Variants in PSG7 observed in about 807,000 individuals in gnomAD.
PSG7 encodes pregnancy specific beta-1-glycoprotein 7.
Under a neutral mutation model 45.6 loss-of-function variants are expected in PSG7, and 57 were observed. That is an observed-to-expected ratio of 1.25 (90% CI 1.01 to 1.56). The LOEUF (loss-of-function observed/expected upper bound fraction) is 1.56. Ranked by LOEUF, PSG7 falls within the 40% of genes most tolerant of loss-of-function variation. PSG7 has a pLI of 0.00. For missense variants in PSG7, 796 were observed against 508.4 expected, an observed-to-expected ratio of 1.57 and a Z score of -5.44; for synonymous variants, 298 against 194.4, an observed-to-expected ratio of 1.53 and a Z score of -4.43.
rs772169590 is a variant in PSG7 at position 42,929,661 on chromosome 19, C to T, written c.490G>A (p.Ala164Thr). 5.6e-6 allele frequency: 9 copies of T among 1,612,268 alleles called. No individual in the cohort carries two copies. The Admixed American group carries it at 1.3e-4, about 24-fold the overall frequency. ...SNFNPREATE[A>T]VILTCDPETP... ...TCAGGATCACAGGTTAAAATCACAG[C>T]CTCCGTGGCCTCCCTGGGGTTGAAA... Residue 164 changes from alanine to threonine, a missense_variant, in exon 3 of 6, where the codon GCT becomes ACT. Coordinates refer to ENST00000406070, the MANE Select transcript of PSG7 (RefSeq NM_002783.3).
At chr19:42,932,283 C>G (rs1436488850) in intron 2 of PSG7, among the ~76,000 whole-genome samples, 2 of 151,434 alleles carry the variant, frequency 1.3e-5, no homozygotes, top group African/African-American at 4.9e-5. Context: ...CTCCCAAAGT[C>G]CTGGGAGTAT....
At chr19:42,929,300 T>G in intron 3 of PSG7, 142 bp downstream of exon 3, 1 of 1,558,110 alleles carries the variant, frequency 6.4e-7, no homozygotes, top group Non-Finnish European at 8.7e-7. Flanking sequence ...CTGGTTTGCC[T>G]GGGGCAGGAA....
chr19:42,925,367 TA>T (rs1282026221), intron 5 of PSG7: 3 of 397,596 alleles, frequency 7.5e-6, no homozygotes, highest in South Asian at 3.1e-5. Flanking sequence ...AGAGCAAAAG[TA>T]AATATTTCAA....
At chr19:42,925,066 C>G (rs1280708848) in intron 5 of PSG7, 4 of 535,040 alleles carry the variant, frequency 7.5e-6, no homozygotes, top group Non-Finnish European at 1.3e-5. Context: ...TTAAAATTTT[C>G]TTTGCTGTAA....
In PSG7 at chr19:42,928,852, G is replaced by T. The variant is rs187587381; in HGVS notation, c.709+590C>A. On this transcript the variant is annotated intron_variant, in intron 3 of 5. Transcript: ENST00000406070. ...CAGTGGCTGAGTTATGGATGAAAGA[G>T]ACATAGACCCCTCTATATGTTTTAG... 1.5e-4 allele frequency among the ~76,000 whole-genome samples: 22 copies of T among 151,566 alleles called. 1 individual carries two copies. In the East Asian group the frequency reaches 2.1e-3, roughly 15 times the overall value.
chr19:42,933,303 A>ATTT (rs1418931958), intron 2 of PSG7, among the ~76,000 whole-genome samples: 160 of 14,802 alleles, frequency 0.011, 3 homozygotes, highest in Non-Finnish European at 0.021. Flanking sequence ...ATATATATAT[A>ATTT]TATATTTTTT....
chr19:42,930,139 T>G (rs982588394), intron 2 of PSG7, among the ~76,000 whole-genome samples: 8 of 151,702 alleles, frequency 5.3e-5, no homozygotes, highest in Middle Eastern at 6.8e-3. Context: ...AGCTTCCCTT[T>G]CCAAGGACAT....
intron 1 of PSG7, among the ~76,000 whole-genome samples, chr19:42,936,692 G>T (rs779976653): frequency 6.6e-6 from 1 of 151,048 alleles, no homozygotes; most frequent in Non-Finnish European, 1.5e-5. Context: ...CTGTCACCCA[G>T]GCTGGCATGC....
intron 2 of PSG7, among the ~76,000 whole-genome samples, chr19:42,931,709 G>A (rs553839023): frequency 1.6e-4 from 24 of 151,428 alleles, no homozygotes; most frequent in African/African-American, 5.3e-4. Context: ...AGTTGTATGT[G>A]GCACAGGCAG....
At chr19:42,929,796 G>A (rs1972980703) in intron 2 of PSG7, 76 bp from the exon 3 acceptor site, 1 of 1,543,904 alleles carries the variant, frequency 6.5e-7, no homozygotes, top group Non-Finnish European at 8.8e-7. Flanking sequence ...AATCAGAGTT[G>A]GCATTTCCAA....
chr19:42,934,015 C>T (rs1283023976), intron 2 of PSG7, among the ~76,000 whole-genome samples: 2 of 151,450 alleles, frequency 1.3e-5, no homozygotes, highest in African/African-American at 2.4e-5. Flanking sequence ...GTCATTTCTG[C>T]ATTCAATTCC....
At position 42,935,397 on chromosome 19, in the gene PSG7, C is replaced by T. The variant is rs1973124666; in HGVS notation, c.430+7G>A. ...CCAACACCCAGGGACCATGTGGAAT[C>T]ACTCACGGTATAAGGTGAAGGTGAA... On this transcript the variant is annotated splice_region_variant and intron_variant, in intron 2 of 5. Transcript: ENST00000406070. 1 of 1,611,294 alleles carries T rather than the reference C, an allele frequency of 6.2e-7. No homozygotes were observed. Among genetic ancestry groups the T allele is most frequent in the East Asian group, 2.2e-5 (1 of 44,764 alleles).
chr19:42,933,293 ATATATATATATATATTT>A (rs1291852252), intron 2 of PSG7, among the ~76,000 whole-genome samples: 3 of 10,554 alleles, frequency 2.8e-4, no homozygotes, highest in Admixed American at 9.6e-4. Context: ...ATATATATAT[ATATATATATATATATTT>A]TTTTTTTTTT....
rs763949106 is a variant in PSG7 at position 42,924,994 on chromosome 19, A to C, written c.1244-170T>G. 7 of 635,396 alleles carry C rather than the reference A, an allele frequency of 1.1e-5. 1 individual carries two copies. Among genetic ancestry groups the C allele is most frequent in the Non-Finnish European group, 2.0e-5 (7 of 353,906 alleles). The allele number at this position is 635,396 out of a possible 1,614,324, so 39.4% of individuals were successfully genotyped here. On this transcript the variant is annotated intron_variant, in intron 5 of 5. Transcript: ENST00000406070. ...TTGCAAAATAGGTTGAGTTTCTTCA[A>C]ACTTGGTCTGATTGTTTACATAAGT...
Position 42,929,689 on chromosome 19 carries a change from G to A in PSG7, c.462C>T (p.Ser154=). 6.2e-7 allele frequency: 1 copy of A among 1,612,326 alleles called. No homozygotes were observed. Among genetic ancestry groups the A allele is most frequent in the Non-Finnish European group, 8.5e-7 (1 of 1,179,132 alleles). ...LETPKPSISS[S]NFNPREATEA... ...CCGTGGCCTCCCTGGGGTTGAAATT[G>A]CTGCTGGAGATGGAGGGTTTGGGAG... Residue 154 remains serine (S), a synonymous_variant, in exon 3 of 6, where the codon AGC becomes AGT. Transcript: ENST00000406070.
intron 2 of PSG7, among the ~76,000 whole-genome samples, chr19:42,930,093 A>G (rs1472235530): frequency 6.6e-6 from 1 of 151,602 alleles, no homozygotes; most frequent in Non-Finnish European, 1.5e-5. Flanking sequence ...TCTTAGTTTC[A>G]ATCTTACTTT....
chr19:42,935,375 A>C (rs782806758), intron 2 of PSG7, 29 bp downstream of exon 2: 11 of 1,610,364 alleles, frequency 6.8e-6, no homozygotes, highest in Non-Finnish European at 9.3e-6. Flanking sequence ...CTGCCCCCCA[A>C]CACCCAGGGA....
chr19:42,934,990 G>A (rs1973112677), intron 2 of PSG7, among the ~76,000 whole-genome samples: 2 of 151,666 alleles, frequency 1.3e-5, no homozygotes, highest in African/African-American at 4.8e-5. Context: ...TTTATCTGGA[G>A]CAAGGATTTA....
rs377058796 is a variant in PSG7, at chr19:42,937,035, G to A, written c.42C>T (p.Thr14=). ...LSAPPCTQHI[T]WKGLLLTASL... is the part of the protein sequence containing the mutation. The stretch of plus-strand genomic sequence containing the variant: ...CACCTGTGAGCAGGAGCCCTTTCCA[G>A]GTTATATGCTGTGTGCAGGGAGGGG... Residue 14 remains threonine (T), a synonymous_variant, in exon 1 of 6, where the codon ACC becomes ACT. Transcript: ENST00000406070. 17 of 1,611,404 alleles carry A rather than the reference G, an allele frequency of 1.1e-5. 3 individuals are homozygous for A. Among genetic ancestry groups the A allele is most frequent in the Non-Finnish European group, 1.3e-5 (15 of 1,178,540 alleles).
Sources: gnomAD v4.1 joint callset for allele counts (sites outside exome capture counted in the v4.1 genomes callset) on GRCh38, gnomAD v4.1.1 for gene constraint, MANE v1.5 for transcripts, NCBI Gene and HGNC (gene_info 2026-07-23, HGNC 2026-07-21) for gene names.